Variants in LRP1B observed in about 807,000 individuals in gnomAD.
LRP1B encodes LDL receptor related protein 1B, also known as low-density lipoprotein receptor-related protein 1B.
In LRP1B, 217 loss-of-function variants were observed where a neutral mutation model predicts 556.6. That is an observed-to-expected ratio of 0.39 (90% confidence interval 0.35 to 0.44). LRP1B has a LOEUF of 0.44. LRP1B is among the 20% of genes least tolerant of loss of function. LRP1B has a pLI of 1.00. For missense variants in LRP1B, 5,053 were observed against 5,620.8 expected (o/e 0.90, Z 3.23); for synonymous variants, 2,047 against 1,865.8 (o/e 1.10, Z -2.50).
In LRP1B at chr2:140,373,042, G is replaced by T. The variant is rs1683061437; in HGVS notation, c.10734C>A (p.Cys3578Ter). The change falls in exon 69 of 91, where the codon TGC becomes TGA. Residue 3578 changes from cysteine (C) to a stop codon, truncating the protein, a stop_gained. Transcript: ENST00000389484. LOFTEE classifies it high-confidence loss of function. ...AGCTTTTCTCATCTTCCCCATATTT[G>T]CAGTCTTCATGGCCATCACATTTCC... ...AKWKCDGHED[C>*]KYGEDEKSCE... 6.2e-7 allele frequency: 1 copy of T among 1,613,296 alleles called. No homozygotes were observed. The highest frequency in any genetic ancestry group is 1.3e-5 in the African/African-American group (1 of 74,926).
rs779403562 is a variant in LRP1B, at chr2:140,813,520, A to C, written c.5359+137T>G. ...AAAGAGGAAAAGAAGGAAGAGAAGA[A>C]AACCTCATAGAAGTGTTCAATTTGA... On this transcript the variant is annotated intron_variant, in intron 32 of 90. Transcript: ENST00000389484. The C allele has an allele frequency of 1.7e-4, 116 of 682,122 alleles. 1 individual carries two copies. The highest frequency in any genetic ancestry group is 1.5e-4 in the Non-Finnish European group (62 of 408,742). 42.3% of individuals were successfully genotyped at this position (682,122 alleles called of 1,614,324 possible). A position where few individuals can be genotyped will look rare whatever the true frequency, so the allele number is the denominator to read the frequency against.
At chr2:141,230,110 AC>A (rs1329721855) in intron 5 of LRP1B, among the ~76,000 whole-genome samples, 4 of 152,222 alleles carry the variant, frequency 2.6e-5, no homozygotes, top group Admixed American at 2.6e-4. Context: ...TTTTTGATGA[AC>A]ATATACAAAT....
intron 1 of LRP1B, among the ~76,000 whole-genome samples, chr2:141,862,059 G>A (rs1698263787): frequency 6.6e-6 from 1 of 152,088 alleles, no homozygotes; most frequent in Non-Finnish European, 1.5e-5. Flanking sequence ...TAGCTATGTA[G>A]TCATAAACCA....
intron 5 of LRP1B, among the ~76,000 whole-genome samples, chr2:141,242,295 G>T (rs1397305556): frequency 1.3e-5 from 2 of 151,982 alleles, no homozygotes; most frequent in Non-Finnish European, 2.9e-5. Flanking sequence ...CCTCCCAAAA[G>T]AAAATTTTAA....
intron 1 of LRP1B, among the ~76,000 whole-genome samples, chr2:141,820,891 A>C (rs184582422): frequency 1.3e-5 from 2 of 152,372 alleles, no homozygotes; most frequent in African/African-American, 4.8e-5. Flanking sequence ...GAATCTGTGA[A>C]TATGTCACCT....
At chr2:140,351,525 T>G (rs1177597268) in intron 76 of LRP1B, among the ~76,000 whole-genome samples, 1 of 152,090 alleles carries the variant, frequency 6.6e-6, no homozygotes, top group East Asian at 1.9e-4. Flanking sequence ...CTTACTAACT[T>G]TTAACATAAA....
At chr2:141,114,995 T>C (rs774961863) in intron 7 of LRP1B, among the ~76,000 whole-genome samples, 1 of 152,184 alleles carries the variant, frequency 6.6e-6, no homozygotes, top group Non-Finnish European at 1.5e-5. Context: ...GTACACTCCT[T>C]TCCGAAGGAA....
At chr2:141,749,050 TA>T (rs1407125220) in intron 2 of LRP1B, among the ~76,000 whole-genome samples, 4 of 152,222 alleles carry the variant, frequency 2.6e-5, no homozygotes, top group African/African-American at 4.8e-5. Context: ...GGGATGGAGA[TA>T]TTTTTATAAA....
intron 7 of LRP1B, among the ~76,000 whole-genome samples, chr2:141,078,763 G>T (rs957278230): frequency 6.6e-6 from 1 of 152,026 alleles, no homozygotes; most frequent in Non-Finnish European, 1.5e-5. Flanking sequence ...CTACTAACCA[G>T]AATTTACAAA....
At chr2:142,053,266 T>A (rs1435587173) in intron 1 of LRP1B, among the ~76,000 whole-genome samples, 2 of 152,138 alleles carry the variant, frequency 1.3e-5, no homozygotes, top group African/African-American at 4.8e-5. Context: ...ACTATAGCAA[T>A]TTAGCTATTT....
intron 11 of LRP1B, among the ~76,000 whole-genome samples, chr2:141,034,424 C>A (rs1355371482): frequency 6.6e-6 from 1 of 151,776 alleles, no homozygotes; most frequent in Non-Finnish European, 1.5e-5. Context: ...GAACAGGCAA[C>A]CTACAAAATG....
In LRP1B at chr2:141,575,611, T is replaced by G. The variant is rs576618358; in HGVS notation, c.206-95078A>C. Among the ~76,000 whole-genome samples, 4 of 152,184 alleles carry G rather than the reference T, an allele frequency of 2.6e-5. No homozygotes were observed. In the South Asian group the frequency reaches 6.2e-4, roughly 24 times the overall value. On this transcript the variant is annotated intron_variant, in intron 2 of 90. Transcript: ENST00000389484. ...CCAAAATTTACAAATGGGATCTAAT[T>G]AAACTAAAGAACTTCTGCACAGCAA...
chr2:140,339,555 G>A (rs1372750874), intron 77 of LRP1B, among the ~76,000 whole-genome samples: 1 of 151,544 alleles, frequency 6.6e-6, no homozygotes, highest in Non-Finnish European at 1.5e-5. Flanking sequence ...CAAAGATGTA[G>A]AACCACTGTC....
At chr2:142,102,645 A>G (rs1473958824) in intron 1 of LRP1B, among the ~76,000 whole-genome samples, 1 of 151,828 alleles carries the variant, frequency 6.6e-6, no homozygotes, top group Non-Finnish European at 1.5e-5. Flanking sequence ...TAGAATGCAA[A>G]TCTTTTGCTA....
chr2:141,046,392 C>T (rs1698870646), intron 11 of LRP1B, among the ~76,000 whole-genome samples: 1 of 152,056 alleles, frequency 6.6e-6, no homozygotes, highest in African/African-American at 2.4e-5. Flanking sequence ...TTGTCATTTG[C>T]CAAATCTAAG....
chr2:141,433,736 G>C (rs894493638), intron 3 of LRP1B, among the ~76,000 whole-genome samples: 2 of 151,506 alleles, frequency 1.3e-5, no homozygotes, highest in South Asian at 2.1e-4. Context: ...ATATGTCTGA[G>C]CGTGGTTCTC....
intron 1 of LRP1B, among the ~76,000 whole-genome samples, chr2:141,920,292 T>A (rs1292948019): frequency 3.4e-4 from 31 of 90,024 alleles, no homozygotes; most frequent in East Asian, 9.5e-4. Context: ...GGGGGGGTGG[T>A]AGGGATAATC....
chr2:140,763,592 T>C (rs1322058445), intron 35 of LRP1B, among the ~76,000 whole-genome samples: 1 of 152,100 alleles, frequency 6.6e-6, no homozygotes, highest in Non-Finnish European at 1.5e-5. Context: ...TAGTAGGTGA[T>C]CATTGTGCAT....
At chr2:141,627,038 A>T (rs10928114) in intron 2 of LRP1B, among the ~76,000 whole-genome samples, 39,414 of 152,156 alleles carry the variant, frequency 0.26, 5,537 homozygotes, top group East Asian at 0.52. Flanking sequence ...AAAATATAGA[A>T]GCAATCAAGA....
Sources: gnomAD v4.1 joint callset for allele counts (sites outside exome capture counted in the v4.1 genomes callset) on GRCh38, gnomAD v4.1.1 for gene constraint, MANE v1.5 for transcripts, NCBI Gene and HGNC (gene_info 2026-07-23, HGNC 2026-07-21) for gene names.